Variants in UBE3C observed in about 807,000 individuals in gnomAD.
UBE3C encodes the protein ubiquitin-protein ligase E3C.
In UBE3C, 42 loss-of-function variants were observed where a neutral mutation model predicts 129.4. That is an observed-to-expected ratio of 0.32 (90% CI 0.25 to 0.42). UBE3C has a LOEUF of 0.42. UBE3C is among the 10% of genes least tolerant of loss of function. The pLI is 1.00. For missense variants in UBE3C, 1,049 were observed against 1,319.1 expected (o/e 0.80, Z 3.17); for synonymous variants, 510 against 492.4 (o/e 1.04, Z -0.47).
Position 157,259,702 on chromosome 7 carries a change from CAG to C in UBE3C, c.3081+2659_3081+2660del, listed in dbSNP as rs571898419. 7.9e-5 allele frequency among the ~76,000 whole-genome samples: 12 copies of C among 152,282 alleles called. No individual in the cohort carries two copies. In the South Asian group the frequency reaches 2.5e-3, roughly 32 times the overall value. On this transcript the variant is annotated intron_variant, in intron 22 of 22. Coordinates refer to ENST00000348165, the MANE Select transcript of UBE3C (RefSeq NM_014671.3). The stretch of plus-strand genomic sequence containing the variant: ...GCACATTTAGAGACACAGAGCGGGT[CAG>C]GGGCTGCACAGGGCTGGAGGTGGCA...
At chr7:157,167,344 T>C (rs1808245627) in intron 2 of UBE3C, among the ~76,000 whole-genome samples, 1 of 152,196 alleles carries the variant, frequency 6.6e-6, no homozygotes, top group Non-Finnish European at 1.5e-5. Flanking sequence ...ATGGCATTCA[T>C]AGAAGACATG....
Position 157,254,000 on chromosome 7 carries a change from C to T in UBE3C, c.2741C>T (p.Ala914Val), listed in dbSNP as rs780577219. The change falls in exon 20 of 23, where the codon GCC becomes GTC. Residue 914 changes from alanine (A) to valine (V), a missense_variant. Physicochemically the swap from Ala to Val is moderately conservative, Grantham distance 64 (BLOSUM62 0). Transcript: ENST00000348165. ...FGGKDIPVTSANRIAYIHLVA... is the reference protein window; with the variant it reads ...FGGKDIPVTSVNRIAYIHLVA... ...GGGAAAGACATCCCTGTCACCAGCG[C>T]CAACCGGATTGCGTACATCCACTTG... 14 of 1,610,246 alleles carry T rather than the reference C, an allele frequency of 8.7e-6. No homozygotes were observed. The highest frequency in any genetic ancestry group is 5.5e-5 in the South Asian group (5 of 90,308).
chr7:157,139,982 T>G (rs551569087), intron 1 of UBE3C: 4 of 985,346 alleles, frequency 4.1e-6, no homozygotes, highest in Non-Finnish European at 4.8e-6. Context: ...GACTCCGGAC[T>G]TACATCTGTT....
At chr7:157,204,398 C>CAAAAAAGAAAAAA (rs1809374568) in intron 11 of UBE3C, among the ~76,000 whole-genome samples, 1 of 86,362 alleles carries the variant, frequency 1.2e-5, no homozygotes, top group Non-Finnish European at 2.4e-5. Flanking sequence ...AACTTTGTTT[C>CAAAAAAGAAAAAA]AAAAAAAAAA....
At chr7:157,186,760 C>T (rs1297813886) in intron 9 of UBE3C, 74 bp from the exon 10 acceptor site, 42 of 1,520,948 alleles carry the variant, frequency 2.8e-5, no homozygotes, top group South Asian at 1.8e-4. Flanking sequence ...AATGTGATTT[C>T]GTATATGTTT....
intron 5 of UBE3C, among the ~76,000 whole-genome samples, chr7:157,177,889 G>T (rs1808563040): frequency 6.6e-6 from 1 of 151,786 alleles, no homozygotes; most frequent in Non-Finnish European, 1.5e-5. Context: ...ACAGCCTCCT[G>T]GGTCCCTCAT....
intron 7 of UBE3C, among the ~76,000 whole-genome samples, 198 bp downstream of exon 7, chr7:157,181,869 G>T (rs1808674640): frequency 6.6e-6 from 1 of 152,106 alleles, no homozygotes; most frequent in South Asian, 2.1e-4. Context: ...TGATAACATG[G>T]TTATTTTCCT....
chr7:157,201,632 T>G, intron 10 of UBE3C, 89 bp from the exon 11 acceptor site: 1 of 738,498 alleles, frequency 1.4e-6, no homozygotes, highest in Non-Finnish European at 1.9e-6. Context: ...ATCTTCAGTG[T>G]ATCGCTTTTT....
chr7:157,228,890 G>A (rs540726504), intron 17 of UBE3C, among the ~76,000 whole-genome samples: 17 of 152,332 alleles, frequency 1.1e-4, no homozygotes, highest in African/African-American at 3.8e-4. Context: ...TTACTGACAC[G>A]TGTACATAGC....
chr7:157,193,745 AC>A (rs1214053593), intron 10 of UBE3C, among the ~76,000 whole-genome samples: 4 of 151,626 alleles, frequency 2.6e-5, no homozygotes, highest in Non-Finnish European at 5.9e-5. Context: ...ATGCAAAATG[AC>A]TGACCTCACA....
intron 1 of UBE3C, among the ~76,000 whole-genome samples, chr7:157,148,162 G>C (rs764851187): frequency 6.6e-6 from 1 of 151,982 alleles, no homozygotes; most frequent in Non-Finnish European, 1.5e-5. Flanking sequence ...CTGGAGTACA[G>C]TGGTGCGATC....
At chr7:157,250,930 G>A (rs1016815587) in intron 19 of UBE3C, among the ~76,000 whole-genome samples, 2 of 152,126 alleles carry the variant, frequency 1.3e-5, no homozygotes, top group African/African-American at 4.8e-5. Flanking sequence ...ATAGTGAAAC[G>A]TCGCATATGC....
chr7:157,241,312 G>A (rs781273961), intron 18 of UBE3C, among the ~76,000 whole-genome samples: 1 of 152,182 alleles, frequency 6.6e-6, no homozygotes, highest in Non-Finnish European at 1.5e-5. Flanking sequence ...TGCTTCAAAA[G>A]ACACCATCAA....
chr7:157,175,142 T>TA lies in UBE3C; in HGVS notation c.458+108_458+109insA, dbSNP rs1395574653. 5.8e-5 allele frequency: 37 copies of TA among 641,162 alleles called. 1 individual carries two copies. The African/African-American group carries it at 6.2e-4, about 11-fold the overall frequency. 39.7% of individuals were successfully genotyped at this position (641,162 alleles called of 1,614,324 possible). A position where few individuals can be genotyped will look rare whatever the true frequency, so the allele number is the denominator to read the frequency against. On this transcript the variant is annotated intron_variant, in intron 5 of 22. Transcript: ENST00000348165. ...GAGACAGTGGCTTTTCCATACTTTT[T>TA]TTTTTTTTTTTTTTTTGAGGTCATG...
At chr7:157,152,883 T>TA (rs1201652257) in intron 1 of UBE3C, among the ~76,000 whole-genome samples, 14 of 152,180 alleles carry the variant, frequency 9.2e-5, no homozygotes, top group Admixed American at 9.2e-4. Context: ...TAATTTTTCT[T>TA]ACAGTGCAGC....
At chr7:157,240,768 C>T (rs1473321407) in intron 18 of UBE3C, among the ~76,000 whole-genome samples, 2 of 151,936 alleles carry the variant, frequency 1.3e-5, no homozygotes, top group African/African-American at 4.8e-5. Context: ...GTCAGTGTAG[C>T]GGTGGTTAGA....
intron 13 of UBE3C, among the ~76,000 whole-genome samples, chr7:157,212,193 C>A (rs952994751): frequency 1.3e-5 from 2 of 151,500 alleles, no homozygotes; most frequent in Admixed American, 6.6e-5. Flanking sequence ...AGGACTAGAT[C>A]TACTGTAGAA....
chr7:157,200,300 T>C (rs1232259790), intron 10 of UBE3C, among the ~76,000 whole-genome samples: 1 of 145,294 alleles, frequency 6.9e-6, no homozygotes, highest in Non-Finnish European at 1.5e-5. Context: ...TACATTAAAA[T>C]AAGAATGGAG....
chr7:157,197,618 T>G (rs1360002083), intron 10 of UBE3C: 6 of 1,605,884 alleles, frequency 3.7e-6, no homozygotes, highest in Non-Finnish European at 5.1e-6. Flanking sequence ...GTTGATGGAG[T>G]AACACAGTGT....
Sources: gnomAD v4.1 joint callset for allele counts (sites outside exome capture counted in the v4.1 genomes callset) on GRCh38, gnomAD v4.1.1 for gene constraint, MANE v1.5 for transcripts, NCBI Gene and HGNC (gene_info 2026-07-23, HGNC 2026-07-21) for gene names.